Variants in EPHA6 observed in about 807,000 individuals in gnomAD.
The protein encoded by EPHA6 is ephrin type-A receptor 6.
In EPHA6, 50 loss-of-function variants were observed where a neutral mutation model predicts 112.0. That is an observed-to-expected ratio of 0.45 (90% CI 0.36 to 0.56). EPHA6 has a LOEUF of 0.56. Ranked by LOEUF, EPHA6 falls within the 20% of genes least tolerant of loss-of-function variation. The probability of loss-of-function intolerance (pLI) is 0.00; values close to 1 mark genes in which losing one functional copy is unlikely to be tolerated. For missense variants in EPHA6, 1,280 were observed against 1,417.4 expected, an observed-to-expected ratio of 0.90 and a Z score of 1.56; for synonymous variants, 529 against 490.7, an observed-to-expected ratio of 1.08 and a Z score of -1.03.
chr3:97,596,709 CT>C (rs1231647056), intron 12 of EPHA6, among the ~76,000 whole-genome samples: 2 of 146,846 alleles, frequency 1.4e-5, no homozygotes, highest in African/African-American at 5.0e-5. Flanking sequence ...TTTTAGCTTA[CT>C]TTTTTGTCCC....
At chr3:97,633,941 T>C (rs1304465192) in intron 13 of EPHA6, among the ~76,000 whole-genome samples, 1 of 152,176 alleles carries the variant, frequency 6.6e-6, no homozygotes, top group East Asian at 1.9e-4. Flanking sequence ...CATTTATTGA[T>C]TTATCTGGAG....
At chr3:97,552,215 A>G (rs2093037950) in intron 11 of EPHA6, among the ~76,000 whole-genome samples, 1 of 152,226 alleles carries the variant, frequency 6.6e-6, no homozygotes, top group Non-Finnish European at 1.5e-5. Context: ...TTTTAATTAC[A>G]TAACATGTAA....
At chr3:97,185,743 G>A (rs142222903) in intron 3 of EPHA6, among the ~76,000 whole-genome samples, 7,782 of 152,002 alleles carry the variant, frequency 0.051, 636 homozygotes, top group African/African-American at 0.17. Flanking sequence ...AAATCATGCC[G>A]CTATAAAGAC....
chr3:97,477,816 A>G (rs1257055902), intron 8 of EPHA6, among the ~76,000 whole-genome samples: 1 of 145,228 alleles, frequency 6.9e-6, no homozygotes, highest in Non-Finnish European at 1.5e-5. Flanking sequence ...TTTGGAGCCC[A>G]GAAAGTTTAT....
intron 11 of EPHA6, among the ~76,000 whole-genome samples, chr3:97,546,000 G>A (rs2092941451): frequency 6.6e-6 from 1 of 152,118 alleles, no homozygotes; most frequent in African/African-American, 2.4e-5. Context: ...GCACACTGAT[G>A]GGTCTTGACT....
In EPHA6 at chr3:97,752,679, T is replaced by C. The variant is rs2035930988; in HGVS notation, c.*3978T>C. 6.6e-6 allele frequency among the ~76,000 whole-genome samples: 1 copy of C among 152,116 alleles called. No individual in the cohort carries two copies. Among genetic ancestry groups the C allele is most frequent in the Admixed American group, 6.5e-5 (1 of 15,270 alleles). On this transcript the variant is annotated 3_prime_UTR_variant, in exon 18 of 18. Transcript: ENST00000389672. The stretch of plus-strand genomic sequence containing the variant: ...TGAGAACATTTGTACTCACAGAGGA[T>C]ATGGGTTCTGGCTTTTCCTTAACTT...
rs9831339 is a variant in EPHA6 at position 97,735,777 on chromosome 3, T to C, written c.2935-148T>C. ...ACTTGCAATTTTTGTTCACAGCTTT[T>C]GTATTTATCCTTATTTAGGTCCTTG... On this transcript the variant is annotated intron_variant, in intron 15 of 17. Transcript: ENST00000389672. 3.9e-3 allele frequency: 2,032 copies of C among 524,260 alleles called. 13 individuals are homozygous for C. The highest frequency in any genetic ancestry group is 4.6e-3 in the Non-Finnish European group (1,416 of 309,794). 32.5% of individuals were successfully genotyped at this position (524,260 alleles called of 1,614,324 possible).
chr3:97,632,586 A>T (rs1296469974), intron 13 of EPHA6, among the ~76,000 whole-genome samples: 1 of 151,986 alleles, frequency 6.6e-6, no homozygotes, highest in Non-Finnish European at 1.5e-5. Flanking sequence ...AAACTTGAGG[A>T]TTCAGCAAGG....
At position 97,751,661 on chromosome 3, in the gene EPHA6, G is replaced by A. The variant is rs1381828365; in HGVS notation, c.*2960G>A. 6.6e-6 allele frequency among the ~76,000 whole-genome samples: 1 copy of A among 152,038 alleles called. No homozygotes were observed. The highest frequency in any genetic ancestry group is 1.5e-5 in the Non-Finnish European group (1 of 67,956). On this transcript the variant is annotated 3_prime_UTR_variant, in exon 18 of 18. Coordinates refer to ENST00000389672, the MANE Select transcript of EPHA6 (RefSeq NM_001080448.3). ...ATGAAACATTTTGAGACTTACTAGT[G>A]TAAATTTTAGGTAATTAAATCTGTT...
At chr3:97,270,665 G>T (rs1338893798) in intron 5 of EPHA6, among the ~76,000 whole-genome samples, 1 of 152,198 alleles carries the variant, frequency 6.6e-6, no homozygotes, top group Non-Finnish European at 1.5e-5. Flanking sequence ...CCAGTCAGAA[G>T]TGCATCAAGA....
intron 10 of EPHA6, among the ~76,000 whole-genome samples, chr3:97,500,348 G>A (rs2092086799): frequency 6.6e-6 from 1 of 152,092 alleles, no homozygotes; most frequent in Non-Finnish European, 1.5e-5. Context: ...GAAGCACGAT[G>A]CTGACACCTG....
intron 11 of EPHA6, chr3:97,560,702 G>C (rs2093177120): frequency 1.3e-5 from 2 of 151,968 alleles, no homozygotes; most frequent in Admixed American, 6.6e-5. Context: ...AGTGAGTAAA[G>C]GCCTTGTCCT....
At chr3:97,237,739 G>A (rs537319974) in intron 4 of EPHA6, among the ~76,000 whole-genome samples, 36 of 151,906 alleles carry the variant, frequency 2.4e-4, no homozygotes, top group Non-Finnish European at 4.0e-4. Flanking sequence ...GACAGTGCTC[G>A]GATTTTTCAT....
At chr3:97,324,257 C>T (rs2082257536) in intron 5 of EPHA6, among the ~76,000 whole-genome samples, 2 of 151,954 alleles carry the variant, frequency 1.3e-5, no homozygotes, top group African/African-American at 2.4e-5. Flanking sequence ...CTCTCTTGAA[C>T]CTCTCAGAGC....
intron 3 of EPHA6, among the ~76,000 whole-genome samples, chr3:97,181,274 G>T (rs114977956): frequency 0.013 from 2,015 of 152,158 alleles, 40 homozygotes; most frequent in African/African-American, 0.044. Flanking sequence ...ATTCAGAAGG[G>T]TTTTTTCATC....
At chr3:97,189,176 T>C (rs1261722546) in intron 3 of EPHA6, among the ~76,000 whole-genome samples, 1 of 152,020 alleles carries the variant, frequency 6.6e-6, no homozygotes, top group Non-Finnish European at 1.5e-5. Context: ...AATTTCTGTC[T>C]TTAAAAAATA....
intron 5 of EPHA6, among the ~76,000 whole-genome samples, chr3:97,319,050 C>T (rs1460030047): frequency 6.6e-6 from 1 of 151,762 alleles, no homozygotes; most frequent in Non-Finnish European, 1.5e-5. Context: ...TGATGTCAAT[C>T]TGTTCCTTTA....
chr3:97,504,839 A>G (rs2092206084), intron 10 of EPHA6, among the ~76,000 whole-genome samples: 2 of 152,176 alleles, frequency 1.3e-5, no homozygotes, highest in Non-Finnish European at 2.9e-5. Flanking sequence ...ATACTTTTAT[A>G]TTCACTTTCT....
intron 3 of EPHA6, among the ~76,000 whole-genome samples, chr3:97,121,385 G>A (rs2048036504): frequency 6.6e-6 from 1 of 152,032 alleles, no homozygotes; most frequent in Non-Finnish European, 1.5e-5. Context: ...GGAATTCTTA[G>A]AGATAATCTT....
Sources: gnomAD v4.1 joint callset for allele counts (sites outside exome capture counted in the v4.1 genomes callset) on GRCh38, gnomAD v4.1.1 for gene constraint, MANE v1.5 for transcripts, NCBI Gene and HGNC (gene_info 2026-07-23, HGNC 2026-07-21) for gene names.